WBP2NL: variants seen among roughly 807,000 people sequenced by gnomAD.
WBP2NL encodes the protein WBP2 N-terminal like.
A neutral mutation model predicts 23.3 loss-of-function variants in WBP2NL; 27 were observed. The ratio of observed to expected loss-of-function variants is 1.16; its 90% CI spans 0.85 to 1.60. The LOEUF (loss-of-function observed/expected upper bound fraction) is 1.60, where lower values mean the gene tolerates loss of function less well. Among genes scored for constraint, WBP2NL ranks in the 40% most tolerant of loss-of-function variants. WBP2NL has a pLI of 0.00. For missense variants in WBP2NL, 370 were observed against 389.5 expected (o/e 0.95, Z 0.42); for synonymous variants, 151 against 145.9 (o/e 1.03, Z -0.25).
chr22:42,017,705 A>G (rs1388013935), intron 1 of WBP2NL, among the ~76,000 whole-genome samples: 1 of 152,186 alleles, frequency 6.6e-6, no homozygotes, highest in Non-Finnish European at 1.5e-5. Flanking sequence ...GGTTACATAT[A>G]TCATTAAGAA....
At chr22:42,037,447 A>G (rs567338912), downstream of WBP2NL, among the ~76,000 whole-genome samples, 5 of 147,180 alleles carry the variant, frequency 3.4e-5, no homozygotes, top group African/African-American at 1.3e-4. Context: ...GTAGTTCCAT[A>G]TGAATTTTAG....
At chr22:42,049,989 A>AG (rs1439705941) in intron 8 of WBP2NL, among the ~76,000 whole-genome samples, 1 of 137,206 alleles carries the variant, frequency 7.3e-6, no homozygotes, top group Non-Finnish European at 1.5e-5. Flanking sequence ...AAAAAAAAAA[A>AG]AAAAAAAAAA....
chr22:42,057,877 A>G (rs1163774188), intron 8 of WBP2NL, among the ~76,000 whole-genome samples: 28 of 12,924 alleles, frequency 2.2e-3, no homozygotes, highest in Admixed American at 4.4e-3. Flanking sequence ...ATGTATATAT[A>G]TATATATATA....
chr22:42,034,833 G>C (rs1925121859), downstream of WBP2NL, among the ~76,000 whole-genome samples: 1 of 152,204 alleles, frequency 6.6e-6, no homozygotes, highest in Non-Finnish European at 1.5e-5. Flanking sequence ...GAGAAATATG[G>C]CTCTGTTCTG....
In WBP2NL at chr22:42,038,846, C is replaced by T. The variant is rs549001910; in HGVS notation, c.*273+8023C>T. 2.6e-5 allele frequency among the ~76,000 whole-genome samples: 4 copies of T among 152,128 alleles called. No homozygotes were observed. In the South Asian group the frequency reaches 8.3e-4, roughly 31 times the overall value. On this transcript the variant is annotated intron_variant and NMD_transcript_variant, in intron 8 of 8. Coordinates refer to the WBP2NL transcript ENST00000436265. ...CTCGATCTCCTGACCTCAGGTGATA[C>T]ACCCACCTCGGCCTCCCAAAGTGCT...
At chr22:42,000,116 T>G (rs1188599888) in intron 1 of WBP2NL, among the ~76,000 whole-genome samples, 2 of 152,222 alleles carry the variant, frequency 1.3e-5, no homozygotes. Flanking sequence ...AAACTCAAGC[T>G]GGATGATGTG....
At chr22:42,036,474 A>T (rs1318845718), downstream of WBP2NL, among the ~76,000 whole-genome samples, 2 of 152,114 alleles carry the variant, frequency 1.3e-5, no homozygotes, top group Non-Finnish European at 2.9e-5. Flanking sequence ...GTGCCCGGCC[A>T]TGTGTTCTAT....
At chr22:42,055,541 G>T (rs1484787883) in intron 8 of WBP2NL, among the ~76,000 whole-genome samples, 1 of 152,160 alleles carries the variant, frequency 6.6e-6, no homozygotes, top group Non-Finnish European at 1.5e-5. Flanking sequence ...CCTAGAGAAT[G>T]TTTCATTTGT....
chr22:42,048,471 A>G (rs1925685551), intron 8 of WBP2NL, among the ~76,000 whole-genome samples: 1 of 151,924 alleles, frequency 6.6e-6, no homozygotes, highest in African/African-American at 2.4e-5. Context: ...AAAAAGCCTC[A>G]GCAGGCCGGG....
intron 8 of WBP2NL, among the ~76,000 whole-genome samples, chr22:42,043,892 A>T (rs192363166): frequency 1.4e-3 from 209 of 152,222 alleles, no homozygotes; most frequent in African/African-American, 4.8e-3. Context: ...ATACCCGGCT[A>T]ATTTTTTGTA....
At position 42,028,249 on chromosome 22, in the gene WBP2NL, A is replaced by G. The variant is rs557445782; in HGVS notation, c.*1068A>G. On this transcript the variant is annotated 3_prime_UTR_variant, in exon 6 of 6. Coordinates refer to ENST00000328823, the MANE Select transcript of WBP2NL (RefSeq NM_152613.3). ...AGGAGAAAAGCAAGTTGTAGGGAGC[A>G]TATACTATAGTGATTTTCAGCCTCA... 2.0e-5 allele frequency: 8 copies of G among 395,734 alleles called. No individual in the cohort carries two copies. The South Asian group carries it at 5.7e-4, about 28-fold the overall frequency. The allele number at this position is 395,734 out of a possible 1,614,324, so 24.5% of individuals were successfully genotyped here. A position where few individuals can be genotyped will look rare whatever the true frequency, so the allele number is the denominator to read the frequency against.
intron 1 of WBP2NL, among the ~76,000 whole-genome samples, chr22:42,011,429 A>G (rs1186497006): frequency 6.6e-6 from 1 of 151,452 alleles, no homozygotes; most frequent in East Asian, 1.9e-4. Context: ...TTTTTTTTAT[A>G]TATTTTGTAG....
chr22:42,015,692 G>A (rs933448058), intron 1 of WBP2NL, among the ~76,000 whole-genome samples: 11 of 152,100 alleles, frequency 7.2e-5, no homozygotes, highest in Middle Eastern at 3.4e-3. Flanking sequence ...GTGAGCCACC[G>A]CACCGAGGCC....
chr22:42,045,607 A>G (rs1268141911), intron 8 of WBP2NL, among the ~76,000 whole-genome samples: 1 of 152,218 alleles, frequency 6.6e-6, no homozygotes, highest in Non-Finnish European at 1.5e-5. Flanking sequence ...TCTGCCCACA[A>G]ATTCGATAAC....
chr22:42,048,686 G>T (rs1413500603), intron 8 of WBP2NL, among the ~76,000 whole-genome samples: 1 of 151,462 alleles, frequency 6.6e-6, no homozygotes, highest in East Asian at 1.9e-4. Context: ...AACCCAGGAG[G>T]CGGAGCTTGC....
intron 4 of WBP2NL, among the ~76,000 whole-genome samples, chr22:42,021,070 C>T (rs2032906350): frequency 6.6e-6 from 1 of 150,756 alleles, no homozygotes; most frequent in African/African-American, 2.4e-5. Flanking sequence ...CAAGTGTCCA[C>T]CACCAAGCCC....
At chr22:42,018,957 G>A (rs371490427) in intron 1 of WBP2NL, among the ~76,000 whole-genome samples, 2 of 151,226 alleles carry the variant, frequency 1.3e-5, no homozygotes, top group East Asian at 3.9e-4. Context: ...GGGCACGGTG[G>A]CATGCCTGTA....
chr22:42,000,643 A>G (rs1019933291), intron 1 of WBP2NL, among the ~76,000 whole-genome samples: 3 of 152,154 alleles, frequency 2.0e-5, no homozygotes, highest in African/African-American at 7.2e-5. Flanking sequence ...AGAATGCTCA[A>G]GATAGCCGGG....
At chr22:42,020,724 C>T (rs1215068351) in intron 4 of WBP2NL, among the ~76,000 whole-genome samples, 1 of 150,484 alleles carries the variant, frequency 6.6e-6, no homozygotes, top group African/African-American at 2.4e-5. Flanking sequence ...CTTTGCTTTT[C>T]TCAGGTTTAG....
Sources: gnomAD v4.1 joint callset for allele counts (sites outside exome capture counted in the v4.1 genomes callset) on GRCh38, gnomAD v4.1.1 for gene constraint, MANE v1.5 for transcripts, NCBI Gene and HGNC (gene_info 2026-07-23, HGNC 2026-07-21) for gene names.